GLCE: variants seen among roughly 807,000 people sequenced by gnomAD.
The protein encoded by GLCE is glucuronic acid epimerase, also known as D-glucuronyl C5-epimerase.
GLCE carries 19 observed loss-of-function variants against 47.9 expected under a neutral mutation model. The observed-to-expected ratio is 0.40, with a 90% CI of 0.28 to 0.58. The LOEUF (loss-of-function observed/expected upper bound fraction) is 0.58, where lower values mean the gene tolerates loss of function less well. GLCE is among the 20% of genes least tolerant of loss of function. The probability of loss-of-function intolerance (pLI) is 0.48; values close to 1 mark genes in which losing one functional copy is unlikely to be tolerated. For synonymous variants in GLCE, 245 were observed against 263.4 expected, an observed-to-expected ratio of 0.93 and a Z score of 0.68; for missense variants, 556 against 743.3, an observed-to-expected ratio of 0.75 and a Z score of 2.93.
chr15:69,210,808 A>G (rs2052222760), intron 2 of GLCE, among the ~76,000 whole-genome samples: 1 of 152,154 alleles, frequency 6.6e-6, no homozygotes, highest in African/African-American at 2.4e-5. Flanking sequence ...TTATTGGAAC[A>G]CAGTCACACC....
intron 1 of GLCE, among the ~76,000 whole-genome samples, chr15:69,178,996 G>A (rs1217521429): frequency 6.6e-6 from 1 of 152,164 alleles, no homozygotes; most frequent in Non-Finnish European, 1.5e-5. Context: ...AAAGTAAGTT[G>A]CAGAGCAGTG....
intron 4 of GLCE, among the ~76,000 whole-genome samples, chr15:69,267,841 G>T (rs2053106944): frequency 1.0e-5 from 1 of 100,170 alleles, no homozygotes. Flanking sequence ...GCCAGGTTTT[G>T]GCTTTTTTTT....
chr15:69,215,372 T>C (rs1382931624), intron 2 of GLCE, among the ~76,000 whole-genome samples: 2 of 152,198 alleles, frequency 1.3e-5, no homozygotes, highest in African/African-American at 4.8e-5. Flanking sequence ...AAAATACATT[T>C]TAAGTTTCAT....
intron 4 of GLCE, among the ~76,000 whole-genome samples, chr15:69,264,362 ATG>A (rs935479535): frequency 1.4e-4 from 22 of 151,888 alleles, no homozygotes; most frequent in African/African-American, 4.8e-4. Flanking sequence ...TTCTATAGGT[ATG>A]TGTGTGTGTA....
chr15:69,235,635 T>A (rs2052586740), intron 2 of GLCE, among the ~76,000 whole-genome samples: 1 of 152,212 alleles, frequency 6.6e-6, no homozygotes, highest in Non-Finnish European at 1.5e-5. Flanking sequence ...TTACCAGGAT[T>A]CAAATTTAGG....
In GLCE at chr15:69,238,666, A is replaced by AT. The variant is rs2052625059; in HGVS notation, c.-13-17124dup. Among the ~76,000 whole-genome samples, 3 of 152,132 alleles carry AT rather than the reference A, an allele frequency of 2.0e-5. No homozygotes were observed. The South Asian group carries it at 6.2e-4, about 32-fold the overall frequency. On this transcript the variant is annotated intron_variant, in intron 2 of 4. Transcript: ENST00000261858. Reference sequence around the variant, plus strand: ...ACCTACTTATGGAGTGCTGATGATGATTTTCATTCAGCACAAGCTCTGGAT... The same window carrying AT: ...ACCTACTTATGGAGTGCTGATGATGATTTTTCATTCAGCACAAGCTCTGGAT...
intron 2 of GLCE, among the ~76,000 whole-genome samples, chr15:69,215,222 G>A (rs967778255): frequency 3.9e-5 from 6 of 152,060 alleles, no homozygotes; most frequent in Non-Finnish European, 8.8e-5. Flanking sequence ...CCACTTTGTA[G>A]TCAGCCTCTC....
chr15:69,206,051 T>C (rs551385873), intron 1 of GLCE, among the ~76,000 whole-genome samples: 1 of 152,228 alleles, frequency 6.6e-6, no homozygotes, highest in African/African-American at 2.4e-5. Flanking sequence ...CTCCTGTTCT[T>C]GAATCCATTC....
At chr15:69,255,738 C>T in intron 2 of GLCE, 56 bp from the exon 3 acceptor site, 10 of 960,464 alleles carry the variant, frequency 1.0e-5, no homozygotes, top group South Asian at 1.7e-5. Flanking sequence ...AAACTTTATC[C>T]TATGAAATGC....
chr15:69,176,051 G>A (rs185491493), intron 1 of GLCE, among the ~76,000 whole-genome samples: 5 of 151,956 alleles, frequency 3.3e-5, no homozygotes, highest in Admixed American at 3.3e-4. Context: ...AGCTACATGT[G>A]CATTATATAC....
intron 4 of GLCE, among the ~76,000 whole-genome samples, chr15:69,267,890 T>C (rs530000540): frequency 1.3e-5 from 2 of 150,344 alleles, no homozygotes; most frequent in African/African-American, 4.9e-5. Flanking sequence ...AGAATAGTCA[T>C]TGATTACTGA....
chr15:69,217,891 C>T (rs1360919010), intron 2 of GLCE, among the ~76,000 whole-genome samples: 1 of 152,196 alleles, frequency 6.6e-6, no homozygotes, highest in Non-Finnish European at 1.5e-5. Context: ...CGCGGTGGCT[C>T]ATGCCTGTAA....
At chr15:69,248,010 C>T (rs80272469) in intron 2 of GLCE, among the ~76,000 whole-genome samples, 1,538 of 152,172 alleles carry the variant, frequency 0.01, 22 homozygotes, top group African/African-American at 0.033. Context: ...TATATATACC[C>T]GCTACTCAGT....
intron 2 of GLCE, among the ~76,000 whole-genome samples, chr15:69,221,483 A>C (rs1050122508): frequency 7.2e-5 from 11 of 152,030 alleles, no homozygotes; most frequent in African/African-American, 2.7e-4. Context: ...TAAGTATATT[A>C]TTCTTTTTGA....
chr15:69,199,857 A>C (rs901661740), intron 1 of GLCE, among the ~76,000 whole-genome samples: 1 of 152,146 alleles, frequency 6.6e-6, no homozygotes, highest in Admixed American at 6.6e-5. Flanking sequence ...TGATTCATGC[A>C]TCATAGTCTG....
At chr15:69,167,491 G>T (rs192788396) in intron 1 of GLCE, among the ~76,000 whole-genome samples, 1 of 152,278 alleles carries the variant, frequency 6.6e-6, no homozygotes, top group Non-Finnish European at 1.5e-5. Context: ...ACAGTTTACT[G>T]ATCTTATGCC....
At chr15:69,167,407 C>G (rs895415031) in intron 1 of GLCE, among the ~76,000 whole-genome samples, 2 of 152,170 alleles carry the variant, frequency 1.3e-5, no homozygotes, top group Non-Finnish European at 2.9e-5. Flanking sequence ...CATGGAGACA[C>G]GCCAGTGCCT....
chr15:69,245,812 T>A (rs1483287589), intron 2 of GLCE, among the ~76,000 whole-genome samples: 1 of 152,156 alleles, frequency 6.6e-6, no homozygotes, highest in Non-Finnish European at 1.5e-5. Context: ...CACTGCAACC[T>A]CCGTCTCCTG....
intron 1 of GLCE, among the ~76,000 whole-genome samples, chr15:69,172,756 C>G (rs565949766): frequency 6.6e-6 from 1 of 152,192 alleles, no homozygotes; most frequent in East Asian, 1.9e-4. Context: ...GCTATCATGT[C>G]CTATTTAAGA....
Sources: gnomAD v4.1 joint callset for allele counts (sites outside exome capture counted in the v4.1 genomes callset) on GRCh38, gnomAD v4.1.1 for gene constraint, MANE v1.5 for transcripts, NCBI Gene and HGNC (gene_info 2026-07-23, HGNC 2026-07-21) for gene names.